PRKAG2: variants seen among roughly 807,000 people sequenced by gnomAD.
PRKAG2 encodes the protein protein kinase AMP-activated non-catalytic subunit gamma 2.
PRKAG2 carries 26 observed loss-of-function variants against 69.6 expected under a neutral mutation model. That is an observed-to-expected ratio of 0.37 (90% CI 0.27 to 0.52). PRKAG2 has a LOEUF of 0.52. Ranked by LOEUF, PRKAG2 falls within the 20% of genes least tolerant of loss-of-function variation. The probability of loss-of-function intolerance (pLI) is 0.90; values close to 1 mark genes in which losing one functional copy is unlikely to be tolerated. For missense variants in PRKAG2, 557 were observed against 740.0 expected, an observed-to-expected ratio of 0.75 and a Z score of 2.87; for synonymous variants, 293 against 285.0, an observed-to-expected ratio of 1.03 and a Z score of -0.28.
chr7:151,560,709 G>A (rs1477762636), intron 14 of PRKAG2, 92 bp from the exon 15 acceptor site: 1 of 1,485,770 alleles, frequency 6.7e-7, no homozygotes, highest in Non-Finnish European at 9.3e-7. Context: ...GTTTTTATAT[G>A]ATCAACACAT....
intron 3 of PRKAG2, among the ~76,000 whole-genome samples, chr7:151,693,858 T>C (rs916831324): frequency 3.9e-5 from 6 of 152,220 alleles, no homozygotes; most frequent in African/African-American, 7.2e-5. Flanking sequence ...TCCAGAACTG[T>C]GAGAAAGAAA....
chr7:151,659,597 A>G (rs1830008453), intron 4 of PRKAG2, among the ~76,000 whole-genome samples: 1 of 152,234 alleles, frequency 6.6e-6, no homozygotes, highest in Non-Finnish European at 1.5e-5. Flanking sequence ...GACTAAATGC[A>G]ATATACAGTT....
At chr7:151,622,892 C>T (rs886240093) in intron 5 of PRKAG2, among the ~76,000 whole-genome samples, 4 of 152,134 alleles carry the variant, frequency 2.6e-5, no homozygotes, top group Non-Finnish European at 5.9e-5. Flanking sequence ...GACTGTACTA[C>T]ATCCCAGGCC....
chr7:151,658,156 CATAA>C (rs763621170), intron 4 of PRKAG2, among the ~76,000 whole-genome samples: 2,809 of 120,798 alleles, frequency 0.023, 107 homozygotes, highest in African/African-American at 0.084. Context: ...GAGTCCGTCT[CATAA>C]ATAAATAAAT....
chr7:151,805,680 G>A (rs1347335655), intron 1 of PRKAG2, among the ~76,000 whole-genome samples: 2 of 152,166 alleles, frequency 1.3e-5, no homozygotes, highest in Non-Finnish European at 2.9e-5. Flanking sequence ...GGACTCATTT[G>A]GAAAACATGA....
At chr7:151,797,724 G>A (rs1331465378) in intron 1 of PRKAG2, among the ~76,000 whole-genome samples, 7 of 152,212 alleles carry the variant, frequency 4.6e-5, no homozygotes, top group African/African-American at 1.4e-4. Flanking sequence ...GAAATACCAT[G>A]GACTTAAAAA....
chr7:151,728,724 G>A (rs1005089829), intron 3 of PRKAG2, among the ~76,000 whole-genome samples: 2 of 152,162 alleles, frequency 1.3e-5, no homozygotes, highest in Non-Finnish European at 2.9e-5. Flanking sequence ...CCAGAGGGCG[G>A]CTGCTCCCAG....
At chr7:151,869,895 G>C (rs116749403) in intron 1 of PRKAG2, among the ~76,000 whole-genome samples, 1 of 152,194 alleles carries the variant, frequency 6.6e-6, no homozygotes, top group Non-Finnish European at 1.5e-5. Flanking sequence ...GGCCCTATTG[G>C]AGCTTACGGC....
intron 3 of PRKAG2, among the ~76,000 whole-genome samples, chr7:151,694,750 G>A (rs113055155): frequency 1.6e-4 from 24 of 152,326 alleles, no homozygotes; most frequent in African/African-American, 2.9e-4. Context: ...CCAAGAGATC[G>A]CTGCCCCTCC....
rs565542709 is a variant in PRKAG2, at chr7:151,641,411, C to A, written c.685-9273G>T. Among the ~76,000 whole-genome samples the A allele has an allele frequency of 2.5e-4, 38 of 152,074 alleles. No individual in the cohort carries two copies. The South Asian group carries it at 7.9e-3, about 32-fold the overall frequency. On this transcript the variant is annotated intron_variant, in intron 4 of 15. Transcript: ENST00000287878. ...TACAGGCGCACACCACCACACCCAG[C>A]AAATTTTTTGTATTTTAGTAGAGAC...
At chr7:151,776,780 G>A (rs2076376043) in intron 3 of PRKAG2, among the ~76,000 whole-genome samples, 1 of 152,232 alleles carries the variant, frequency 6.6e-6, no homozygotes, top group Non-Finnish European at 1.5e-5. Context: ...TTTCTGGAAT[G>A]AGAGGTAGCT....
intron 3 of PRKAG2, among the ~76,000 whole-genome samples, chr7:151,768,600 C>G (rs915217465): frequency 6.6e-6 from 1 of 152,106 alleles, no homozygotes; most frequent in Non-Finnish European, 1.5e-5. Flanking sequence ...CTTAGTAGCT[C>G]GGATTACAGG....
intron 3 of PRKAG2, among the ~76,000 whole-genome samples, chr7:151,761,741 A>G (rs1163261652): frequency 1.3e-5 from 2 of 152,150 alleles, no homozygotes; most frequent in Non-Finnish European, 2.9e-5. Context: ...GTTTCCCTGT[A>G]CAAGAGGCGG....
At chr7:151,601,034 A>T (rs1815932660) in intron 5 of PRKAG2, among the ~76,000 whole-genome samples, 1 of 152,166 alleles carries the variant, frequency 6.6e-6, no homozygotes, top group African/African-American at 2.4e-5. Flanking sequence ...AGGCTCCAGT[A>T]GCTCCTTATT....
intron 3 of PRKAG2, among the ~76,000 whole-genome samples, chr7:151,714,142 G>A (rs544140970): frequency 2.0e-5 from 3 of 152,230 alleles, no homozygotes; most frequent in African/African-American, 4.8e-5. Context: ...ATTGGAGTAC[G>A]GGCTTTACGG....
chr7:151,694,153 C>G (rs367907195), intron 3 of PRKAG2, among the ~76,000 whole-genome samples: 1 of 152,218 alleles, frequency 6.6e-6, no homozygotes. Flanking sequence ...GGATTACAGG[C>G]GTGAGCCACA....
intron 3 of PRKAG2, among the ~76,000 whole-genome samples, chr7:151,733,737 C>T (rs1265758638): frequency 1.3e-5 from 2 of 151,572 alleles, no homozygotes; most frequent in African/African-American, 4.9e-5. Flanking sequence ...TGCGCTGACT[C>T]CCAGCCTGGA....
At chr7:151,843,729 T>C (rs563080392) in intron 1 of PRKAG2, among the ~76,000 whole-genome samples, 238 of 152,346 alleles carry the variant, frequency 1.6e-3, no homozygotes, top group African/African-American at 4.6e-3. Context: ...ATTAATAAAA[T>C]AGATTCATTT....
chr7:151,618,719 C>T (rs773756041), intron 5 of PRKAG2, among the ~76,000 whole-genome samples: 19 of 152,092 alleles, frequency 1.2e-4, no homozygotes, highest in South Asian at 2.1e-4. Flanking sequence ...GAGCTGAGAT[C>T]GCACCATTGC....
Sources: allele counts gnomAD v4.1 joint callset (sites outside exome capture counted in the v4.1 genomes callset), GRCh38; gene constraint gnomAD v4.1.1; transcripts MANE v1.5; gene names NCBI Gene and HGNC (gene_info 2026-07-23, HGNC 2026-07-21).